Variants in HSD17B3 observed in about 807,000 individuals in gnomAD.
HSD17B3 encodes the protein hydroxysteroid 17-beta dehydrogenase 3.
HSD17B3 carries 29 observed loss-of-function variants against 41.1 expected under a neutral mutation model. That is an observed-to-expected ratio of 0.71 (90% confidence interval 0.53 to 0.96). The LOEUF is 0.96. Ranked by LOEUF, HSD17B3 falls within the 40% of genes least tolerant of loss-of-function variation. The pLI, the probability that HSD17B3 is intolerant of heterozygous loss-of-function variation, is 0.00. For synonymous variants in HSD17B3, 126 were observed against 145.6 expected (o/e 0.87, Z 0.97); for missense variants, 323 against 374.6 (o/e 0.86, Z 1.14).
intron 6 of HSD17B3, among the ~76,000 whole-genome samples, chr9:96,247,508 G>A (rs2130719009): frequency 6.6e-6 from 1 of 152,344 alleles, no homozygotes; most frequent in East Asian, 1.9e-4. Flanking sequence ...TCCAGGGAAT[G>A]TCTTCGCTGC....
chr9:96,284,731 G>A (rs749264080), intron 2 of HSD17B3, among the ~76,000 whole-genome samples: 4 of 152,186 alleles, frequency 2.6e-5, no homozygotes, highest in Admixed American at 6.5e-5. Flanking sequence ...CCCAAGAGGG[G>A]AGGAATTTAC....
At chr9:96,295,213 G>A (rs1004935551) in intron 2 of HSD17B3, among the ~76,000 whole-genome samples, 4 of 151,916 alleles carry the variant, frequency 2.6e-5, no homozygotes, top group Non-Finnish European at 5.9e-5. Flanking sequence ...CACTACGTTG[G>A]TCAGGCTGGT....
chr9:96,259,224 C>T lies in HSD17B3; in HGVS notation c.202-4281G>A, dbSNP rs537382497. Among the ~76,000 whole-genome samples, 20 of 152,336 alleles carry T rather than the reference C, an allele frequency of 1.3e-4. No homozygotes were observed. The South Asian group carries it at 1.4e-3, about 11-fold the overall frequency. On this transcript the variant is annotated intron_variant, in intron 2 of 10. Transcript: ENST00000375263. ...ATTTACCAGCTGCAACTCCACCCTACGGAAGAGAGAGTAGGCATCTGGGTG... is the reference window on the plus strand; with the variant it reads ...ATTTACCAGCTGCAACTCCACCCTATGGAAGAGAGAGTAGGCATCTGGGTG...
Position 96,289,192 on chromosome 9 carries a change from GGT to G in HSD17B3, c.201+9222_201+9223del, listed in dbSNP as rs67271328. Reference sequence around the variant, plus strand: ...TGTTTCTTTAAACAGTTGATTTCCTGGTGTGTGTGTGTGTGTGTGTGTGTGTG... The same window carrying G: ...TGTTTCTTTAAACAGTTGATTTCCTGGTGTGTGTGTGTGTGTGTGTGTGTG... On this transcript the variant is annotated intron_variant, in intron 2 of 10. Coordinates refer to ENST00000375263, the MANE Select transcript of HSD17B3 (RefSeq NM_000197.2). Among the ~76,000 whole-genome samples, 624 of 148,022 alleles carry G rather than the reference GGT, an allele frequency of 4.2e-3. 5 individuals carry two copies. Among genetic ancestry groups the G allele is most frequent in the African/African-American group, 0.013 (538 of 39,994 alleles).
At chr9:96,298,784 A>G (rs1335294581) in intron 1 of HSD17B3, among the ~76,000 whole-genome samples, 1 of 152,180 alleles carries the variant, frequency 6.6e-6, no homozygotes, top group East Asian at 1.9e-4. Flanking sequence ...CATTTCCTGC[A>G]GGCCCCATGA....
chr9:96,273,440 C>T (rs1826337656), intron 2 of HSD17B3, among the ~76,000 whole-genome samples: 1 of 152,190 alleles, frequency 6.6e-6, no homozygotes, highest in African/African-American at 2.4e-5. Context: ...CAAAAGGATC[C>T]CCTTGGCTGT....
At chr9:96,301,598 C>T (rs1302603993) in intron 1 of HSD17B3, among the ~76,000 whole-genome samples, 1 of 150,790 alleles carries the variant, frequency 6.6e-6, no homozygotes, top group Non-Finnish European at 1.5e-5. Flanking sequence ...GTAATCCCAG[C>T]TACTTGGGAG....
intron 2 of HSD17B3, among the ~76,000 whole-genome samples, chr9:96,274,063 T>G (rs974637405): frequency 6.6e-6 from 1 of 152,190 alleles, no homozygotes; most frequent in Non-Finnish European, 1.5e-5. Context: ...TTCCAGTAAG[T>G]GGCCCCAAGG....
At chr9:96,246,366 G>T in intron 7 of HSD17B3, 190 bp downstream of exon 7, 3 of 658,144 alleles carry the variant, frequency 4.6e-6, no homozygotes, top group Non-Finnish European at 5.5e-6. Context: ...ACATGAGCTT[G>T]TCTGTCTGCA....
At chr9:96,264,276 A>C (rs1472052727) in intron 2 of HSD17B3, among the ~76,000 whole-genome samples, 1 of 152,170 alleles carries the variant, frequency 6.6e-6, no homozygotes, top group Non-Finnish European at 1.5e-5. Flanking sequence ...ACAAACAAAA[A>C]GATGCATATC....
In HSD17B3 at chr9:96,235,473, G is replaced by A; in HGVS notation, c.920C>T (p.Thr307Ile). The change falls in exon 11 of 11, where the codon ACC becomes ATC. Residue 307 changes from threonine to isoleucine, a missense_variant. Physicochemically the swap from Thr to Ile is moderately conservative, Grantham distance 89 (BLOSUM62 -1). Coordinates refer to ENST00000375263, the MANE Select transcript of HSD17B3 (RefSeq NM_000197.2). ...CTCACCGCCTGGCTACCTGACCTTG[G>A]TGTTGAGCTTCAGGTATGCCACATA... ...THYVAYLKLN[T>I]KVR 1 of 1,612,732 alleles carries A rather than the reference G, an allele frequency of 6.2e-7. No individual in the cohort carries two copies. The highest frequency in any genetic ancestry group is 8.5e-7 in the Non-Finnish European group (1 of 1,178,866).
chr9:96,242,550 T>C (rs1836497384), intron 9 of HSD17B3, among the ~76,000 whole-genome samples: 1 of 152,196 alleles, frequency 6.6e-6, no homozygotes, highest in African/African-American at 2.4e-5. Flanking sequence ...TCTTCATGCA[T>C]TCAGCGAGTA....
intron 8 of HSD17B3, among the ~76,000 whole-genome samples, chr9:96,244,745 A>G (rs185399005): frequency 6.6e-6 from 1 of 152,280 alleles, no homozygotes; most frequent in East Asian, 1.9e-4. Context: ...TACATATATT[A>G]AAATATCACC....
At chr9:96,287,003 T>G (rs963538559) in intron 2 of HSD17B3, among the ~76,000 whole-genome samples, 1 of 152,182 alleles carries the variant, frequency 6.6e-6, no homozygotes, top group Admixed American at 6.5e-5. Context: ...AATTCTTTCT[T>G]TGATGAGGTC....
intron 2 of HSD17B3, among the ~76,000 whole-genome samples, chr9:96,275,110 G>T (rs542393518): frequency 6.6e-6 from 1 of 151,870 alleles, no homozygotes; most frequent in Non-Finnish European, 1.5e-5. Context: ...AAAAGCTGTC[G>T]ACCAAGAATA....
chr9:96,281,540 T>G (rs4743685), intron 2 of HSD17B3, among the ~76,000 whole-genome samples: 73,766 of 151,898 alleles, frequency 0.49, 18,690 homozygotes, highest in East Asian at 0.66. Flanking sequence ...GGGGTTAAAG[T>G]CCCCTCTCAG....
chr9:96,259,334 G>T (rs1359992438), intron 2 of HSD17B3, among the ~76,000 whole-genome samples: 1 of 152,152 alleles, frequency 6.6e-6, no homozygotes, highest in Non-Finnish European at 1.5e-5. Context: ...AGACACTTCA[G>T]GATTCAATAG....
chr9:96,245,260 A>C (rs1338578321), intron 8 of HSD17B3, 85 bp downstream of exon 8: 1 of 1,038,394 alleles, frequency 9.6e-7, no homozygotes, highest in Non-Finnish European at 1.5e-6. Context: ...CCTTTCCATC[A>C]ACTTGCCAGA....
In HSD17B3 at chr9:96,238,179, AT is replaced by A. The variant is rs1410259122; in HGVS notation, c.822+2578del. Among the ~76,000 whole-genome samples, 6 of 152,234 alleles carry A rather than the reference AT, an allele frequency of 3.9e-5. No homozygotes were observed. In the East Asian group the frequency reaches 1.2e-3, roughly 29 times the overall value. ...TGACCCTGTGTCAAGATAAAATAAA[AT>A]TTTATTCCATTTTTATAAAAATAAA... is the stretch of plus-strand genomic sequence containing the variant. On this transcript the variant is annotated intron_variant, in intron 10 of 10. Transcript: ENST00000375263.
Sources: allele counts gnomAD v4.1 joint callset (sites outside exome capture counted in the v4.1 genomes callset), GRCh38; gene constraint gnomAD v4.1.1; transcripts MANE v1.5; gene names NCBI Gene and HGNC (gene_info 2026-07-23, HGNC 2026-07-21).